COL26A1: variants seen among roughly 807,000 people sequenced by gnomAD.
COL26A1 encodes the protein collagen alpha-1(XXVI) chain.
In COL26A1, 41 loss-of-function variants were observed where a neutral mutation model predicts 59.3. The ratio of observed to expected loss-of-function variants is 0.69; its 90% CI spans 0.54 to 0.90. The LOEUF (loss-of-function observed/expected upper bound fraction) is 0.90, where lower values mean the gene tolerates loss of function less well. Ranked by LOEUF, COL26A1 falls within the 40% of genes least tolerant of loss-of-function variation. The probability of loss-of-function intolerance (pLI) is 0.00; values close to 1 mark genes in which losing one functional copy is unlikely to be tolerated. For missense variants in COL26A1, 612 were observed against 602.3 expected (o/e 1.02, Z -0.17); for synonymous variants, 266 against 256.0 (o/e 1.04, Z -0.37).
At chr7:101,392,002 G>A (rs111943458) in intron 1 of COL26A1, among the ~76,000 whole-genome samples, 2,343 of 152,216 alleles carry the variant, frequency 0.015, 59 homozygotes, top group African/African-American at 0.054. Context: ...ACAGGCATGA[G>A]CCACAGCACC....
chr7:101,482,307 G>A (rs984324340), intron 3 of COL26A1, among the ~76,000 whole-genome samples: 6 of 152,128 alleles, frequency 3.9e-5, no homozygotes, highest in Non-Finnish European at 7.4e-5. Flanking sequence ...CACCGCGCCT[G>A]GCCTTCTTTT....
intron 3 of COL26A1, among the ~76,000 whole-genome samples, chr7:101,525,417 G>A (rs1429812542): frequency 3.3e-5 from 5 of 151,220 alleles, no homozygotes; most frequent in Non-Finnish European, 1.5e-5. Context: ...TCCTGAAGTC[G>A]TGATCTGCCC....
At chr7:101,500,954 C>T (rs555251176) in intron 3 of COL26A1, among the ~76,000 whole-genome samples, 4 of 151,834 alleles carry the variant, frequency 2.6e-5, no homozygotes, top group East Asian at 1.9e-4. Flanking sequence ...GAGGCCAAGG[C>T]GGGCGGATCA....
intron 1 of COL26A1, among the ~76,000 whole-genome samples, chr7:101,368,038 G>A (rs552253897): frequency 2.0e-5 from 3 of 152,132 alleles, no homozygotes; most frequent in Non-Finnish European, 4.4e-5. Flanking sequence ...TGGCCTTCTA[G>A]ATTGTTCCTT....
rs780032032 is a variant in COL26A1, at chr7:101,549,166, C to A, written c.941-5C>A. 1.3e-5 allele frequency: 21 copies of A among 1,579,942 alleles called. No homozygotes were observed. Among genetic ancestry groups the A allele is most frequent in the Non-Finnish European group, 1.7e-5 (20 of 1,164,378 alleles). On this transcript the variant is annotated splice_region_variant and splice_polypyrimidine_tract_variant and intron_variant, in intron 8 of 12. Transcript: ENST00000313669. The stretch of plus-strand genomic sequence containing the variant: ...CCAGGTGACCATCTGTGACTCTGCC[C>A]ACAGGTCCCCCTGGGCCTCGAGGTC...
At chr7:101,470,622 G>A (rs900584776) in intron 3 of COL26A1, among the ~76,000 whole-genome samples, 1 of 151,962 alleles carries the variant, frequency 6.6e-6, no homozygotes, top group Non-Finnish European at 1.5e-5. Flanking sequence ...CAGTATGGAG[G>A]GTGGGGACGG....
At chr7:101,459,466 A>ATTTTTTTTT (rs71286269) in intron 3 of COL26A1, among the ~76,000 whole-genome samples, 4 of 136,090 alleles carry the variant, frequency 2.9e-5, no homozygotes, top group African/African-American at 2.8e-5. Context: ...CACCCGGCTA[A>ATTTTTTTTT]TTTTTTTTTT....
chr7:101,362,732 G>A (rs1363204674), upstream of COL26A1: 2 of 441,038 alleles, frequency 4.5e-6, no homozygotes, highest in South Asian at 2.9e-5. Context: ...GACCTCCTGC[G>A]GAGCTCGCAC....
chr7:101,475,640 G>T (rs576168553), intron 3 of COL26A1, among the ~76,000 whole-genome samples: 1 of 152,018 alleles, frequency 6.6e-6, no homozygotes, highest in East Asian at 1.9e-4. Flanking sequence ...TATATTGTGG[G>T]CCTGGTGTGT....
At chr7:101,526,622 C>T (rs923308432) in intron 3 of COL26A1, among the ~76,000 whole-genome samples, 1 of 152,226 alleles carries the variant, frequency 6.6e-6, no homozygotes, top group South Asian at 2.1e-4. Context: ...CCTTGGGAAT[C>T]CAGCCTCATT....
chr7:101,513,800 C>T (rs568177624), intron 3 of COL26A1, among the ~76,000 whole-genome samples: 94 of 152,294 alleles, frequency 6.2e-4, no homozygotes, highest in African/African-American at 2.1e-3. Flanking sequence ...AGTGTTACCA[C>T]AGCACAAACA....
intron 3 of COL26A1, among the ~76,000 whole-genome samples, chr7:101,512,996 TTTATTATTA>T (rs60374143): frequency 6.7e-6 from 1 of 149,500 alleles, no homozygotes; most frequent in African/African-American, 2.5e-5. Context: ...TTTTTACAAT[TTTATTATTA>T]TTATTATTAT....
At chr7:101,387,761 TATATATATATATA>T (rs1409327133) in intron 1 of COL26A1, among the ~76,000 whole-genome samples, 21,558 of 77,388 alleles carry the variant, frequency 0.28, 2,707 homozygotes, top group South Asian at 0.35. Context: ...TATTTATATA[TATATATATATATA>T]TATATTTTTT....
At chr7:101,508,956 G>T (rs913435129) in intron 3 of COL26A1, among the ~76,000 whole-genome samples, 1 of 152,178 alleles carries the variant, frequency 6.6e-6, no homozygotes, top group Non-Finnish European at 1.5e-5. Flanking sequence ...AGTGAGCTAT[G>T]ATCGTACCAC....
Position 101,556,821 on chromosome 7 carries a change from G to T in COL26A1, c.1166-549G>T, listed in dbSNP as rs571547148. Among the ~76,000 whole-genome samples, 26 of 152,118 alleles carry T rather than the reference G, an allele frequency of 1.7e-4. 1 individual carries two copies. Among genetic ancestry groups the T allele is most frequent in the Non-Finnish European group, 2.6e-4 (18 of 67,984 alleles). On this transcript the variant is annotated intron_variant, in intron 12 of 12. Coordinates refer to ENST00000313669, the MANE Select transcript of COL26A1 (RefSeq NM_001278563.3). The stretch of plus-strand genomic sequence containing the variant: ...GGGTGAATAAGTGAGTGAATGGATG[G>T]ATGGATGGATGATAGATGGATGGGT...
At chr7:101,444,182 T>C (rs1236805715) in intron 2 of COL26A1, among the ~76,000 whole-genome samples, 1 of 152,018 alleles carries the variant, frequency 6.6e-6, no homozygotes, top group Non-Finnish European at 1.5e-5. Flanking sequence ...TGGCCGTGTA[T>C]GCCAAGTTTT....
chr7:101,413,254 C>G (rs561788232), intron 1 of COL26A1, among the ~76,000 whole-genome samples: 1 of 152,184 alleles, frequency 6.6e-6, no homozygotes, highest in African/African-American at 2.4e-5. Flanking sequence ...CGCGGTGGCT[C>G]GTGCCTATAA....
At chr7:101,434,055 TCC>T (rs1562976836) in intron 2 of COL26A1, among the ~76,000 whole-genome samples, 2 of 21,666 alleles carry the variant, frequency 9.2e-5, no homozygotes, top group Non-Finnish European at 2.0e-4. Context: ...CCTCCCTCCC[TCC>T]CTCCCTCCCT....
intron 3 of COL26A1, among the ~76,000 whole-genome samples, chr7:101,503,487 A>T (rs2130565049): frequency 6.6e-6 from 1 of 152,148 alleles, no homozygotes; most frequent in South Asian, 2.1e-4. Context: ...GGCTCAAGGG[A>T]TCCTCCAGCC....
Sources: gnomAD v4.1 joint callset for allele counts (sites outside exome capture counted in the v4.1 genomes callset) on GRCh38, gnomAD v4.1.1 for gene constraint, MANE v1.5 for transcripts, NCBI Gene and HGNC (gene_info 2026-07-23, HGNC 2026-07-21) for gene names.